Variants in RP1 observed in about 807,000 individuals in gnomAD.
RP1 encodes RP1 axonemal microtubule associated.
In RP1, 16 loss-of-function variants were observed where a neutral mutation model predicts 14.8. That is an observed-to-expected ratio of 1.08 (90% CI 0.73 to 1.65). RP1 has a LOEUF of 1.65. RP1 is among the 40% of genes most tolerant of loss of function. RP1 has a pLI of 0.00. For synonymous variants in RP1, 876 were observed against 883.6 expected (o/e 0.99, Z 0.15); for missense variants, 2,631 against 2,535.0 (o/e 1.04, Z -0.81).
At chr8:54,641,362 TAGAC>T (rs1321029758) in intron 3 of RP1, among the ~76,000 whole-genome samples, 1 of 152,214 alleles carries the variant, frequency 6.6e-6, no homozygotes, top group African/African-American at 2.4e-5. Context: ...CTCAGGCATG[TAGAC>T]AGACACAGGC....
chr8:54,723,463 A>T (rs562689965), intron 16 of RP1, among the ~76,000 whole-genome samples: 2 of 152,310 alleles, frequency 1.3e-5, no homozygotes, highest in South Asian at 2.1e-4. Context: ...TTATAATACA[A>T]GTCATTTATC....
exon 6 of RP1, chr8:54,656,192 G>C (rs543095708): frequency 1.3e-6 from 2 of 1,535,740 alleles, no homozygotes; most frequent in South Asian, 2.4e-5. Flanking sequence ...CCTCTTTTAA[G>C]TAAAGGACAA....
At chr8:54,747,923 A>C (rs1809267546) in intron 19 of RP1, among the ~76,000 whole-genome samples, 1 of 152,260 alleles carries the variant, frequency 6.6e-6, no homozygotes, top group African/African-American at 2.4e-5. Flanking sequence ...CCATGGCCTA[A>C]TGCTCTCTCC....
chr8:54,559,460 G>A (rs1364976766), intron 1 of RP1: 5 of 152,138 alleles, frequency 3.3e-5, no homozygotes, highest in Non-Finnish European at 7.3e-5. Flanking sequence ...TTAATGGTAT[G>A]GAAAATATGC....
chr8:54,669,895 G>C (rs1429329935), intron 7 of RP1, among the ~76,000 whole-genome samples: 1 of 152,032 alleles, frequency 6.6e-6, no homozygotes, highest in Non-Finnish European at 1.5e-5. Context: ...GAGGGAAGGG[G>C]GAGGGATAGC....
intron 4 of RP1, among the ~76,000 whole-genome samples, chr8:54,650,003 TGTGA>T (rs1161369827): frequency 2.0e-5 from 3 of 152,262 alleles, no homozygotes; most frequent in African/African-American, 4.8e-5. Context: ...CATTATTTTC[TGTGA>T]GTAAGAAATA....
chr8:54,677,029 G>A (rs766520877), intron 8 of RP1, among the ~76,000 whole-genome samples: 20 of 151,542 alleles, frequency 1.3e-4, no homozygotes, highest in Non-Finnish European at 2.4e-4. Flanking sequence ...TTCAAAGTGT[G>A]GTTCGTAGGC....
chr8:54,603,370 G>A (rs1805342517), intron 1 of RP1, among the ~76,000 whole-genome samples: 1 of 152,020 alleles, frequency 6.6e-6, no homozygotes, highest in Non-Finnish European at 1.5e-5. Flanking sequence ...TTATTTCTGA[G>A]GGCTCTGTTC....
exon 24 of RP1, chr8:54,783,629 A>G (rs1810243913): frequency 5.4e-5 from 66 of 1,231,662 alleles, no homozygotes; most frequent in Non-Finnish European, 6.6e-5. Context: ...ATGTCTATGG[A>G]GAAACAAAAT....
intron 15 of RP1, among the ~76,000 whole-genome samples, chr8:54,715,158 T>A (rs1203353003): frequency 3.3e-5 from 5 of 152,258 alleles, no homozygotes; most frequent in Non-Finnish European, 5.9e-5. Flanking sequence ...CTAGGAGTTG[T>A]TCTACTGCAA....
intron 12 of RP1, among the ~76,000 whole-genome samples, chr8:54,690,583 T>C (rs746624479): frequency 6.6e-6 from 1 of 151,960 alleles, no homozygotes; most frequent in Non-Finnish European, 1.5e-5. Flanking sequence ...AGAGGAGACG[T>C]CAGGGGAGTA....
In RP1 at chr8:54,627,043, A is replaced by C. The variant is rs1806079803; in HGVS notation, c.3161A>C (p.Gln1054Pro). 3.1e-6 allele frequency: 5 copies of C among 1,614,070 alleles called. No homozygotes were observed. Among genetic ancestry groups the C allele is most frequent in the Non-Finnish European group, 4.2e-6 (5 of 1,179,966 alleles). The change falls in exon 4 of 4, where the codon CAG (glutamine) becomes CCG (proline). Residue 1054 changes from glutamine to proline, a missense_variant. By Grantham distance (76) the Gln-to-Pro change is moderately conservative (BLOSUM62 -1). Transcript: ENST00000220676. ...KSGPEKKLVYQEINLARKRQS... is the reference protein window; with the variant it reads ...KSGPEKKLVYPEINLARKRQS... ...GGACCAGAGAAAAAACTTGTTTACCAGGAAATAAACCTAGCTAGAAAAAGG... is the reference window on the plus strand; with the variant it reads ...GGACCAGAGAAAAAACTTGTTTACCCGGAAATAAACCTAGCTAGAAAAAGG...
chr8:54,625,197 C>G lies in RP1; in HGVS notation c.1315C>G (p.Gln439Glu), dbSNP rs760098833. The part of the protein sequence containing the change: ...TVDTDIIQGT[Q>E]DQAKHRFYRP... ...GGACACAGATATCATCCAGGGAACTCAAGACCAAGCAAAGCATCGTTTTTA... is the reference window on the plus strand; with the variant it reads ...GGACACAGATATCATCCAGGGAACTGAAGACCAAGCAAAGCATCGTTTTTA... The change falls in exon 4 of 4, where the codon CAA becomes GAA. Residue 439 changes from glutamine (Q) to glutamate (E), a missense_variant. By Grantham distance (29) the Gln-to-Glu change is conservative (BLOSUM62 2). Coordinates refer to ENST00000220676, the MANE Select transcript of RP1 (RefSeq NM_006269.2). 9 of 1,614,152 alleles carry G rather than the reference C, an allele frequency of 5.6e-6. No homozygotes were observed. The South Asian group carries it at 9.9e-5, about 18-fold the overall frequency.
chr8:54,844,527 C>T (rs965938991), intron 25 of RP1, among the ~76,000 whole-genome samples: 3 of 151,406 alleles, frequency 2.0e-5, no homozygotes, highest in East Asian at 3.9e-4. Context: ...TATGTGTGTG[C>T]GTGTGTAGAC....
At position 54,624,914 on chromosome 8, in the gene RP1, A is replaced by G. The variant is rs764233060; in HGVS notation, c.1032A>G (p.Glu344=). 6.2e-7 allele frequency: 1 copy of G among 1,614,162 alleles called. No individual in the cohort carries two copies. The highest frequency in any genetic ancestry group is 2.2e-5 in the East Asian group (1 of 44,882). ...EMKVRFRIKE[E]ETIKWTTTVS... ...AAGTTCGATTCAGAATAAAAGAGGA[A>G]GAAACCATAAAATGGACAACTACTG... The change falls in exon 4 of 4, where the codon GAA becomes GAG. Residue 344 remains glutamate, a synonymous_variant. Coordinates refer to ENST00000220676, the MANE Select transcript of RP1 (RefSeq NM_006269.2).
chr8:54,583,515 A>C (rs1190140412), intron 1 of RP1, among the ~76,000 whole-genome samples: 2 of 152,184 alleles, frequency 1.3e-5, no homozygotes, highest in Admixed American at 6.5e-5. Context: ...CTGGCCTCAT[A>C]AAATGAGTTA....
chr8:54,825,883 AACATGG>A, intron 24 of RP1, among the ~76,000 whole-genome samples: 1 of 150,032 alleles, frequency 6.7e-6, no homozygotes, highest in East Asian at 2.0e-4. Flanking sequence ...CAGCCTGGGC[AACATGG>A]CAAGACCCTG....
chr8:54,861,769 A>T (rs1217432556), intron 27 of RP1, among the ~76,000 whole-genome samples: 1 of 151,788 alleles, frequency 6.6e-6, no homozygotes, highest in Non-Finnish European at 1.5e-5. Flanking sequence ...TGCCCAGCTA[A>T]TTTTTTGTAT....
chr8:54,578,759 T>A (rs914188768), intron 1 of RP1, among the ~76,000 whole-genome samples: 1 of 152,214 alleles, frequency 6.6e-6, no homozygotes. Context: ...ACATTTATTA[T>A]GCACTACACA....
Sources: gnomAD v4.1 joint callset for allele counts (sites outside exome capture counted in the v4.1 genomes callset) on GRCh38, gnomAD v4.1.1 for gene constraint, MANE v1.5 for transcripts, NCBI Gene and HGNC (gene_info 2026-07-23, HGNC 2026-07-21) for gene names.